The following TAGLN3 variants were observed in gnomAD, a reference collection of about 807,000 sequenced individuals.
TAGLN3 encodes the protein transgelin 3.
In TAGLN3, 12 loss-of-function variants were observed where a neutral mutation model predicts 25.4. The observed-to-expected ratio is 0.47, with a 90% CI of 0.30 to 0.77. The LOEUF (loss-of-function observed/expected upper bound fraction) is 0.77. TAGLN3 is among the 30% of genes least tolerant of loss of function. The pLI is 0.06. For synonymous variants in TAGLN3, 96 were observed against 94.8 expected (o/e 1.01, Z -0.08); for missense variants, 218 against 255.8 (o/e 0.85, Z 1.01).
chr3:112,003,898 C>T (rs2072889188), intron 3 of TAGLN3, among the ~76,000 whole-genome samples: 1 of 152,174 alleles, frequency 6.6e-6, no homozygotes, highest in African/African-American at 2.4e-5. Context: ...CCAGGCTTGC[C>T]AAATGCATTC....
intron 3 of TAGLN3, among the ~76,000 whole-genome samples, chr3:112,006,135 T>C (rs1480955606): frequency 6.6e-6 from 1 of 152,122 alleles, no homozygotes; most frequent in African/African-American, 2.4e-5. Context: ...ATTTGGTGGG[T>C]CTTTCCTTTA....
chr3:112,002,935 T>C (rs774762), intron 3 of TAGLN3, among the ~76,000 whole-genome samples: 44,855 of 151,750 alleles, frequency 0.3, 7,098 homozygotes, highest in African/African-American at 0.4. Flanking sequence ...GAGGGAGGCC[T>C]GGAGGGATGA....
intron 3 of TAGLN3, among the ~76,000 whole-genome samples, chr3:112,010,362 A>C (rs184636486): frequency 6.0e-4 from 92 of 152,250 alleles, no homozygotes; most frequent in African/African-American, 2.0e-3. Context: ...TCCTTTGCTC[A>C]TTTATTTCTC....
chr3:112,001,217 G>A (rs1014291159), intron 3 of TAGLN3, among the ~76,000 whole-genome samples: 2 of 152,168 alleles, frequency 1.3e-5, no homozygotes, highest in African/African-American at 4.8e-5. Flanking sequence ...AGCTAACGGT[G>A]ACATACTGCC....
intron 3 of TAGLN3, among the ~76,000 whole-genome samples, chr3:112,010,010 A>G (rs989461179): frequency 2.0e-5 from 3 of 152,034 alleles, no homozygotes; most frequent in Middle Eastern, 6.8e-3. Flanking sequence ...ATAAGTTCTT[A>G]TATATAGTCT....
At chr3:112,007,312 G>A (rs936926137) in intron 3 of TAGLN3, among the ~76,000 whole-genome samples, 1 of 152,146 alleles carries the variant, frequency 6.6e-6, no homozygotes, top group Non-Finnish European at 1.5e-5. Context: ...TACATTCTAT[G>A]CATTTGGGCA....
intron 1 of TAGLN3, 56 bp from the exon 2 acceptor site, chr3:111,999,365 G>C: frequency 3.8e-6 from 6 of 1,582,812 alleles, no homozygotes; most frequent in Non-Finnish European, 5.2e-6. Flanking sequence ...CAGGGAGCCG[G>C]AGGCTGCTGC....
At chr3:112,001,035 G>C in intron 3 of TAGLN3, 89 bp downstream of exon 3, 1 of 1,189,526 alleles carries the variant, frequency 8.4e-7, no homozygotes, top group East Asian at 2.3e-5. Context: ...GTTCTTCCCT[G>C]TGCCGATTGA....
intron 3 of TAGLN3, among the ~76,000 whole-genome samples, chr3:112,004,861 G>C (rs1037600874): frequency 1.3e-5 from 2 of 152,240 alleles, no homozygotes; most frequent in Non-Finnish European, 2.9e-5. Context: ...TTGCGGGGGC[G>C]GGGGAGGTTG....
intron 3 of TAGLN3, among the ~76,000 whole-genome samples, chr3:112,008,612 C>T (rs574587932): frequency 2.0e-5 from 3 of 152,298 alleles, no homozygotes; most frequent in South Asian, 2.1e-4. Flanking sequence ...GTGCCACTCT[C>T]ATCCAATGGT....
intron 3 of TAGLN3, among the ~76,000 whole-genome samples, chr3:112,006,194 G>C (rs184898595): frequency 1.3e-5 from 2 of 152,156 alleles, no homozygotes; most frequent in African/African-American, 4.8e-5. Context: ...AGGTAGGCCT[G>C]TTAAAGCACA....
intron 1 of TAGLN3, 40 bp from the exon 2 acceptor site, chr3:111,999,381 C>T: frequency 1.2e-6 from 2 of 1,603,080 alleles, no homozygotes; most frequent in Non-Finnish European, 8.5e-7. Context: ...GCTGCTGCTG[C>T]TATTGTGTGG....
At chr3:112,004,404 G>A (rs975511409) in intron 3 of TAGLN3, among the ~76,000 whole-genome samples, 17 of 151,670 alleles carry the variant, frequency 1.1e-4, no homozygotes, top group African/African-American at 3.4e-4. Flanking sequence ...GGGGGTGTGT[G>A]TAAGAGAGAG....
intron 4 of TAGLN3, among the ~76,000 whole-genome samples, chr3:112,012,846 T>G (rs2072994064): frequency 6.6e-6 from 1 of 152,130 alleles, no homozygotes; most frequent in Non-Finnish European, 1.5e-5. Context: ...TTAGGTCCCT[T>G]GGCTCTAAAA....
At chr3:112,004,519 A>T (rs1197330369) in intron 3 of TAGLN3, among the ~76,000 whole-genome samples, 1 of 152,200 alleles carries the variant, frequency 6.6e-6, no homozygotes, top group Non-Finnish European at 1.5e-5. Context: ...CAGGCTCCTG[A>T]GTCAGAAATT....
In TAGLN3 at chr3:112,000,931, G is replaced by A; in HGVS notation, c.340G>A (p.Val114Met). The change falls in exon 3 of 5, where the codon GTG becomes ATG. Residue 114 changes from valine (V) to methionine (M), a missense_variant. By Grantham distance (21) the Val-to-Met change is conservative. Coordinates refer to ENST00000478951, the MANE Select transcript of TAGLN3 (RefSeq NM_001008272.2). ...GVRTTDIFQT[V>M]DLWEGKDMAA... Reference sequence around the variant, plus strand: ...CAGAACCACCGACATCTTTCAGACGGTGGATCTATGGGAAGGTAAACAGCC... The same window carrying A: ...CAGAACCACCGACATCTTTCAGACGATGGATCTATGGGAAGGTAAACAGCC... The A allele has an allele frequency of 6.2e-7, 1 of 1,614,030 alleles. No individual in the cohort carries two copies. The highest frequency in any genetic ancestry group is 8.5e-7 in the Non-Finnish European group (1 of 1,179,998).
In TAGLN3 at chr3:112,000,963, C is replaced by A. The variant is rs745440929; in HGVS notation, c.355+17C>A. 16 of 1,610,756 alleles carry A rather than the reference C, an allele frequency of 9.9e-6. No homozygotes were observed. Among genetic ancestry groups the A allele is most frequent in the Non-Finnish European group, 1.4e-5 (16 of 1,178,128 alleles). ...TATGGGAAGGTAAACAGCCCCCTGG[C>A]CTTTGGGATTGTTCTTTTCTTCTCT... On this transcript the variant is annotated intron_variant, in intron 3 of 4. Coordinates refer to ENST00000478951, the MANE Select transcript of TAGLN3 (RefSeq NM_001008272.2).
At chr3:112,005,007 C>A (rs1286581111) in intron 3 of TAGLN3, among the ~76,000 whole-genome samples, 1 of 152,174 alleles carries the variant, frequency 6.6e-6, no homozygotes, top group Non-Finnish European at 1.5e-5. Context: ...CTCTTGATGT[C>A]TTTCCCCATA....
Position 112,013,737 on chromosome 3 carries a change from G to A in TAGLN3, c.*186G>A. ...ACTGCTGCCACCTCCTGTTCATTTA[G>A]AACTATGCAAAGACTCCGCTTCCGT... On this transcript the variant is annotated 3_prime_UTR_variant, in exon 5 of 5. Transcript: ENST00000478951. The A allele has an allele frequency of 1.2e-6, 1 of 821,544 alleles. No homozygotes were observed. The highest frequency in any genetic ancestry group is 2.0e-6 in the Non-Finnish European group (1 of 493,772). The allele number at this position is 821,544 out of a possible 1,614,324, so 50.9% of individuals were successfully genotyped here.
Sources: gnomAD v4.1 joint callset for allele counts (sites outside exome capture counted in the v4.1 genomes callset) on GRCh38, gnomAD v4.1.1 for gene constraint, MANE v1.5 for transcripts, NCBI Gene and HGNC (gene_info 2026-07-23, HGNC 2026-07-21) for gene names.